RFTN2: variants seen among roughly 807,000 people sequenced by gnomAD.
The protein encoded by RFTN2 is raftlin-2.
RFTN2 carries 34 observed loss-of-function variants against 52.7 expected under a neutral mutation model. The ratio of observed to expected loss-of-function variants is 0.64; its 90% CI spans 0.49 to 0.86. The LOEUF (loss-of-function observed/expected upper bound fraction) is 0.86. RFTN2 is among the 40% of genes least tolerant of loss of function. RFTN2 has a pLI of 0.00. For synonymous variants in RFTN2, 203 were observed against 217.7 expected (o/e 0.93, Z 0.59); for missense variants, 536 against 600.1 (o/e 0.89, Z 1.12).
intron 1 of RFTN2, among the ~76,000 whole-genome samples, chr2:197,672,904 G>A (rs2089166313): frequency 6.6e-6 from 1 of 152,054 alleles, no homozygotes; most frequent in African/African-American, 2.4e-5. Context: ...GAGAATGGGA[G>A]GTGTAAGTTG....
chr2:197,616,309 A>ATTTT lies in RFTN2; in HGVS notation c.1051-331_1051-330insAAAA, dbSNP rs1553601950. ...ATTTTATTTTATTTTATTTTATTTT[A>ATTTT]AAGAGAGGGTCTCATTCCTACATCC... On this transcript the variant is annotated intron_variant, in intron 6 of 8. Transcript: ENST00000295049. Among the ~76,000 whole-genome samples, 10 of 125,088 alleles carry ATTTT rather than the reference A, an allele frequency of 8.0e-5. 1 individual carries two copies. Among genetic ancestry groups the ATTTT allele is most frequent in the Middle Eastern group, 4.3e-3 (1 of 230 alleles). 82.1% of individuals were successfully genotyped at this position (125,088 alleles called of 152,430 possible).
intron 7 of RFTN2, among the ~76,000 whole-genome samples, chr2:197,597,451 A>G (rs1030873758): frequency 4.6e-5 from 7 of 152,204 alleles, no homozygotes; most frequent in Non-Finnish European, 1.0e-4. Flanking sequence ...TTCAAATCCA[A>G]ACTCTGTCAT....
At chr2:197,575,864 TTTATATA>T (rs533859262) in intron 8 of RFTN2, among the ~76,000 whole-genome samples, 44 of 126,946 alleles carry the variant, frequency 3.5e-4, no homozygotes, top group East Asian at 2.9e-3. Context: ...ACATAATATA[TTTATATA>T]TTATATATTA....
intron 8 of RFTN2, 30 bp from the exon 9 acceptor site, chr2:197,572,310 A>AG (rs771578607): frequency 6.2e-7 from 1 of 1,606,204 alleles, no homozygotes. Flanking sequence ...TGACCAGGAG[A>AG]GTTAAAAAGA....
intron 8 of RFTN2, among the ~76,000 whole-genome samples, chr2:197,586,942 A>C (rs1221143051): frequency 9.2e-5 from 14 of 152,180 alleles, no homozygotes; most frequent in Admixed American, 9.2e-4. Flanking sequence ...AGGATAGAGC[A>C]CCAAAACTCT....
At chr2:197,600,166 G>A (rs1424671711) in intron 7 of RFTN2, among the ~76,000 whole-genome samples, 9 of 152,064 alleles carry the variant, frequency 5.9e-5, no homozygotes, top group Non-Finnish European at 4.4e-5. Context: ...GCCTAAGCAC[G>A]AGCTTTAAAA....
At chr2:197,592,641 T>C (rs1259516173) in intron 8 of RFTN2, among the ~76,000 whole-genome samples, 3 of 152,226 alleles carry the variant, frequency 2.0e-5, no homozygotes, top group Non-Finnish European at 2.9e-5. Flanking sequence ...TAAACATCTT[T>C]GAAAAAATTC....
intron 8 of RFTN2, among the ~76,000 whole-genome samples, chr2:197,586,618 T>A (rs1219968302): frequency 6.6e-6 from 1 of 152,216 alleles, no homozygotes; most frequent in African/African-American, 2.4e-5. Flanking sequence ...GTTATTCCAC[T>A]AATTCCCTTG....
At chr2:197,671,271 G>A (rs2089143931) in intron 1 of RFTN2, among the ~76,000 whole-genome samples, 1 of 152,154 alleles carries the variant, frequency 6.6e-6, no homozygotes, top group African/African-American at 2.4e-5. Flanking sequence ...ACCAGCCCTT[G>A]AACTTACTCC....
intron 5 of RFTN2, among the ~76,000 whole-genome samples, chr2:197,629,140 G>A (rs538709963): frequency 9.9e-5 from 15 of 152,270 alleles, no homozygotes; most frequent in South Asian, 8.3e-4. Flanking sequence ...AAAGACACAC[G>A]TACACGTATG....
chr2:197,596,566 A>G (rs2087796322), intron 7 of RFTN2, among the ~76,000 whole-genome samples: 1 of 152,228 alleles, frequency 6.6e-6, no homozygotes, highest in East Asian at 1.9e-4. Context: ...TTATTATTGG[A>G]AAATAAGGTT....
intron 5 of RFTN2, among the ~76,000 whole-genome samples, chr2:197,619,106 C>T (rs541075038): frequency 0.038 from 5,710 of 151,100 alleles, 338 homozygotes; most frequent in African/African-American, 0.13. Context: ...CCCCTCTGCC[C>T]GGCCAGCCGC....
intron 7 of RFTN2, among the ~76,000 whole-genome samples, chr2:197,607,476 A>G (rs1169630629): frequency 4.1e-5 from 1 of 24,498 alleles, no homozygotes; most frequent in East Asian, 8.7e-4. Context: ...AACTTGAAGT[A>G]TAATAATAAT....
At chr2:197,672,918 T>C (rs1366225455) in intron 1 of RFTN2, among the ~76,000 whole-genome samples, 1 of 152,104 alleles carries the variant, frequency 6.6e-6, no homozygotes, top group Non-Finnish European at 1.5e-5. Context: ...TAAGTTGTTT[T>C]GTTTTCTGGG....
At chr2:197,602,662 C>G (rs1376684147) in intron 7 of RFTN2, among the ~76,000 whole-genome samples, 13 of 152,086 alleles carry the variant, frequency 8.5e-5, no homozygotes, top group Admixed American at 7.9e-4. Flanking sequence ...CCTTAGCCTC[C>G]TGAGTAGCTG....
chr2:197,617,308 C>T (rs1347730243), intron 6 of RFTN2, among the ~76,000 whole-genome samples: 1 of 152,138 alleles, frequency 6.6e-6, no homozygotes, highest in Admixed American at 6.5e-5. Context: ...TTAATTATTT[C>T]TCTATCTTGC....
chr2:197,627,422 C>T (rs112815967), intron 5 of RFTN2, among the ~76,000 whole-genome samples: 50 of 152,320 alleles, frequency 3.3e-4, no homozygotes, highest in Middle Eastern at 3.4e-3. Context: ...CGATGCCATA[C>T]GGCTAGCGCC....
intron 7 of RFTN2, among the ~76,000 whole-genome samples, chr2:197,611,135 T>A (rs1385490970): frequency 6.6e-6 from 1 of 152,200 alleles, no homozygotes; most frequent in Non-Finnish European, 1.5e-5. Context: ...CAAAAATGAG[T>A]TAGGGGGGAG....
At chr2:197,574,286 A>C (rs935657937) in intron 8 of RFTN2, among the ~76,000 whole-genome samples, 1 of 152,200 alleles carries the variant, frequency 6.6e-6, no homozygotes, top group Non-Finnish European at 1.5e-5. Context: ...ATGGGAACCC[A>C]TCTCTTGCAT....
Sources: gnomAD v4.1 joint callset for allele counts (sites outside exome capture counted in the v4.1 genomes callset) on GRCh38, gnomAD v4.1.1 for gene constraint, MANE v1.5 for transcripts, NCBI Gene and HGNC (gene_info 2026-07-23, HGNC 2026-07-21) for gene names.